CNTNAP2: variants seen among roughly 807,000 people sequenced by gnomAD.
CNTNAP2 encodes contactin-associated protein-like 2.
In CNTNAP2, 98 loss-of-function variants were observed where a neutral mutation model predicts 155.2. That is an observed-to-expected ratio of 0.63 (90% confidence interval 0.54 to 0.75). The LOEUF (loss-of-function observed/expected upper bound fraction) is 0.75, where lower values mean the gene tolerates loss of function less well. Ranked by LOEUF, CNTNAP2 falls within the 30% of genes least tolerant of loss-of-function variation. The pLI is 0.00. For synonymous variants in CNTNAP2, 651 were observed against 631.2 expected, an observed-to-expected ratio of 1.03 and a Z score of -0.47; for missense variants, 1,727 against 1,688.1, an observed-to-expected ratio of 1.02 and a Z score of -0.40.
intron 12 of CNTNAP2, among the ~76,000 whole-genome samples, chr7:147,621,071 G>A (rs1303151642): frequency 6.6e-6 from 1 of 152,014 alleles, no homozygotes; most frequent in African/African-American, 2.4e-5. Context: ...AGGAGAGAGG[G>A]GCATGACATA....
intron 8 of CNTNAP2, among the ~76,000 whole-genome samples, chr7:147,273,796 AT>A (rs1191992198): frequency 6.8e-6 from 1 of 146,440 alleles, no homozygotes; most frequent in Admixed American, 6.8e-5. Context: ...TTTTATATAT[AT>A]TTTTATATCT....
At chr7:148,220,391 C>A (rs1023785106) in intron 19 of CNTNAP2, among the ~76,000 whole-genome samples, 1 of 152,108 alleles carries the variant, frequency 6.6e-6, no homozygotes, top group Non-Finnish European at 1.5e-5. Context: ...CGTGAGCCAT[C>A]GTGCCTGGCC....
intron 15 of CNTNAP2, among the ~76,000 whole-genome samples, chr7:148,107,992 T>C (rs954380584): frequency 6.6e-6 from 1 of 152,188 alleles, no homozygotes; most frequent in African/African-American, 2.4e-5. Flanking sequence ...CTCACCAAAC[T>C]GCAGCCCAGA....
chr7:146,823,809 G>A (rs573276874), intron 2 of CNTNAP2, among the ~76,000 whole-genome samples: 86 of 151,576 alleles, frequency 5.7e-4, no homozygotes, highest in African/African-American at 1.8e-3. Flanking sequence ...ATTTTTTTAT[G>A]GCTGAATCAA....
At chr7:147,933,507 A>G (rs896510596) in intron 14 of CNTNAP2, among the ~76,000 whole-genome samples, 4 of 109,068 alleles carry the variant, frequency 3.7e-5, no homozygotes, top group African/African-American at 1.1e-4. Context: ...ATAGATAGAT[A>G]GATAGATAGA....
intron 21 of CNTNAP2, among the ~76,000 whole-genome samples, chr7:148,292,903 T>C (rs547915113): frequency 7.2e-5 from 11 of 152,284 alleles, no homozygotes; most frequent in Non-Finnish European, 1.5e-4. Context: ...ATGAAACATG[T>C]TGGCCTGACA....
chr7:147,842,510 T>C (rs1053044322), intron 13 of CNTNAP2, among the ~76,000 whole-genome samples: 2 of 151,140 alleles, frequency 1.3e-5, no homozygotes, highest in Non-Finnish European at 3.0e-5. Flanking sequence ...ATTTCAGCCA[T>C]TTAAAAATAG....
chr7:146,612,920 C>G (rs1388032376), intron 1 of CNTNAP2, among the ~76,000 whole-genome samples: 1 of 131,112 alleles, frequency 7.6e-6, no homozygotes, highest in Non-Finnish European at 1.6e-5. Flanking sequence ...ACTTATAGCT[C>G]TAACATCTGT....
chr7:148,177,900 T>C (rs1794971887), intron 18 of CNTNAP2, among the ~76,000 whole-genome samples: 1 of 151,878 alleles, frequency 6.6e-6, no homozygotes, highest in Non-Finnish European at 1.5e-5. Context: ...ACACTGTTTT[T>C]TTTTTTTTGC....
rs10593929 is a variant in CNTNAP2, at chr7:146,612,931, C to CTT, written c.98-161325_98-161324dup. ...TTTCACTTATAGCTCTAACATCTGTCTTTTTTTTTTTTTTTTGCCACAAAC... is the reference window on the plus strand; with the variant it reads ...TTTCACTTATAGCTCTAACATCTGTCTTTTTTTTTTTTTTTTTTGCCACAAAC... On this transcript the variant is annotated intron_variant, in intron 1 of 23. Transcript: ENST00000361727. Among the ~76,000 whole-genome samples, 395 of 139,368 alleles carry CTT rather than the reference C, an allele frequency of 2.8e-3. 5 individuals are homozygous for CTT. Among genetic ancestry groups the CTT allele is most frequent in the East Asian group, 0.021 (98 of 4,726 alleles). 91.4% of individuals were successfully genotyped at this position (139,368 alleles called of 152,430 possible).
At chr7:147,231,022 G>A (rs66489842) in intron 8 of CNTNAP2, among the ~76,000 whole-genome samples, 2,448 of 152,294 alleles carry the variant, frequency 0.016, 25 homozygotes, top group South Asian at 0.044. Context: ...AAGACAAAAA[G>A]GAATCAAAGC....
Position 147,676,563 on chromosome 7 carries a change from G to A in CNTNAP2, c.2098+37257G>A, listed in dbSNP as rs145280543. On this transcript the variant is annotated intron_variant, in intron 13 of 23. Transcript: ENST00000361727. ...AGCATTGTTTAAGAATACAATATAT[G>A]GCTAACTATAGTCTCTGTGTTGTAT... Among the ~76,000 whole-genome samples, 857 of 151,876 alleles carry A rather than the reference G, an allele frequency of 5.6e-3. 4 individuals are homozygous for A. The highest frequency in any genetic ancestry group is 0.012 in the South Asian group (56 of 4,814).
chr7:148,240,329 A>T (rs1283559737), intron 20 of CNTNAP2, among the ~76,000 whole-genome samples: 1 of 152,174 alleles, frequency 6.6e-6, no homozygotes, highest in Non-Finnish European at 1.5e-5. Context: ...TTGTCAGATA[A>T]TAGAAACCTG....
At chr7:146,816,009 G>A (rs765408950) in intron 2 of CNTNAP2, among the ~76,000 whole-genome samples, 1 of 152,172 alleles carries the variant, frequency 6.6e-6, no homozygotes, top group South Asian at 2.1e-4. Context: ...AGAACATGTG[G>A]TGTTTGGTTT....
intron 15 of CNTNAP2, among the ~76,000 whole-genome samples, chr7:148,019,867 A>C (rs1402130065): frequency 1.3e-5 from 2 of 151,924 alleles, no homozygotes; most frequent in Middle Eastern, 3.4e-3. Flanking sequence ...GCTCACTGCA[A>C]CCTCCACCTC....
intron 1 of CNTNAP2, among the ~76,000 whole-genome samples, chr7:146,725,659 C>T (rs1801418634): frequency 2.0e-5 from 3 of 152,048 alleles, no homozygotes; most frequent in South Asian, 2.1e-4. Flanking sequence ...ATTGGCCTTT[C>T]CAGATGTCTT....
At chr7:148,147,767 A>T (rs1025013011) in intron 17 of CNTNAP2, 58 bp downstream of exon 17, 1 of 1,463,604 alleles carries the variant, frequency 6.8e-7, no homozygotes, top group African/African-American at 1.7e-5. Context: ...AGCCTGCACA[A>T]TACAAAAAAA....
rs71175651 is a variant in CNTNAP2, at chr7:146,486,046, CTTTTTTTTTTTTTTTTTTT to C, written c.98-288207_98-288189del. ...AAAAATGTACCCAACCCACAGCAGTCTTTTTTTTTTTTTTTTTTTTTTTTTTTTTTTTTTTTGAGACAGA... is the reference window on the plus strand; with the variant it reads ...AAAAATGTACCCAACCCACAGCAGTCTTTTTTTTTTTTTTTTTGAGACAGA... On this transcript the variant is annotated intron_variant, in intron 1 of 23. Transcript: ENST00000361727. Among the ~76,000 whole-genome samples, 304 of 42,602 alleles carry C rather than the reference CTTTTTTTTTTTTTTTTTTT, an allele frequency of 7.1e-3. 5 individuals are homozygous for C. The highest frequency in any genetic ancestry group is 0.048 in the Middle Eastern group (2 of 42). The allele number at this position is 42,602 out of a possible 152,430, so 27.9% of individuals were successfully genotyped here.
intron 1 of CNTNAP2, among the ~76,000 whole-genome samples, chr7:146,560,430 T>C (rs773148325): frequency 6.6e-6 from 1 of 152,056 alleles, no homozygotes; most frequent in Non-Finnish European, 1.5e-5. Context: ...TGTGTATATA[T>C]AAATATGTGT....
Sources: allele counts gnomAD v4.1 joint callset (sites outside exome capture counted in the v4.1 genomes callset), GRCh38; gene constraint gnomAD v4.1.1; transcripts MANE v1.5; gene names NCBI Gene and HGNC (gene_info 2026-07-23, HGNC 2026-07-21).